LAMA2: variants seen among roughly 807,000 people sequenced by gnomAD.
LAMA2 encodes laminin subunit alpha 2, also known as laminin subunit alpha-2.
LAMA2 carries 269 observed loss-of-function variants against 364.8 expected under a neutral mutation model. That is an observed-to-expected ratio of 0.74 (90% CI 0.67 to 0.82). The LOEUF (loss-of-function observed/expected upper bound fraction) is 0.82. Among genes scored for constraint, LAMA2 ranks in the 40% least tolerant of loss-of-function variants. The pLI is 0.00. For missense variants in LAMA2, 3,807 were observed against 3,873.2 expected, an observed-to-expected ratio of 0.98 and a Z score of 0.45; for synonymous variants, 1,379 against 1,370.6, an observed-to-expected ratio of 1.01 and a Z score of -0.14.
intron 62 of LAMA2, among the ~76,000 whole-genome samples, chr6:129,510,967 T>A (rs1348631847): frequency 2.6e-5 from 4 of 152,202 alleles, no homozygotes; most frequent in African/African-American, 9.6e-5. Context: ...AATTCACAGA[T>A]GGCTGGCATT....
intron 12 of LAMA2, among the ~76,000 whole-genome samples, chr6:129,205,016 C>T (rs1782529456): frequency 6.6e-6 from 1 of 152,084 alleles, no homozygotes; most frequent in Non-Finnish European, 1.5e-5. Context: ...ATAACACATG[C>T]CATTCCTGTG....
intron 25 of LAMA2, 31 bp downstream of exon 25, chr6:129,315,686 A>G (rs1562450858): frequency 6.2e-7 from 1 of 1,611,886 alleles, no homozygotes; most frequent in South Asian, 1.1e-5. Flanking sequence ...GTCAAGTGAG[A>G]ACAAGATAAA....
At chr6:128,951,897 C>A (rs1234343527) in intron 1 of LAMA2, among the ~76,000 whole-genome samples, 2 of 152,160 alleles carry the variant, frequency 1.3e-5, no homozygotes, top group East Asian at 3.9e-4. Flanking sequence ...GTGGCTCACA[C>A]AGGTGTGTGG....
At chr6:129,087,886 T>A (rs116520268) in intron 3 of LAMA2, among the ~76,000 whole-genome samples, 3,488 of 151,242 alleles carry the variant, frequency 0.023, 148 homozygotes, top group African/African-American at 0.079. Flanking sequence ...CTTTTTTTTT[T>A]AATTTAATTT....
chr6:128,883,799 TATAC>T (rs778333998), intron 1 of LAMA2, among the ~76,000 whole-genome samples: 217 of 135,418 alleles, frequency 1.6e-3, no homozygotes, highest in East Asian at 0.011. Flanking sequence ...TATATATATA[TATAC>T]ACACACACAC....
At chr6:129,499,908 G>T (rs116465267) in intron 58 of LAMA2, among the ~76,000 whole-genome samples, 1,878 of 150,088 alleles carry the variant, frequency 0.013, 27 homozygotes, top group African/African-American at 0.042. Context: ...TAATTTTTTT[G>T]TTGTTGTTGT....
intron 1 of LAMA2, among the ~76,000 whole-genome samples, chr6:128,930,707 C>T (rs1252392059): frequency 6.6e-6 from 1 of 152,192 alleles, no homozygotes; most frequent in African/African-American, 2.4e-5. Flanking sequence ...GATTTTTCTA[C>T]TCAAAGTCTC....
chr6:128,985,445 TTAA>T (rs1290659691), intron 1 of LAMA2, among the ~76,000 whole-genome samples: 3 of 152,126 alleles, frequency 2.0e-5, no homozygotes, highest in Non-Finnish European at 4.4e-5. Context: ...TTGACTTACC[TTAA>T]TAATAATTTT....
At chr6:129,124,171 G>GTATCTTGAAATAATAATCGTATC (rs2114924163) in intron 4 of LAMA2, among the ~76,000 whole-genome samples, 1 of 152,216 alleles carries the variant, frequency 6.6e-6, no homozygotes, top group Non-Finnish European at 1.5e-5. Context: ...TTGGTTAATA[G>GTATCTTGAAATAATAATCGTATC]TTGAGATCTA....
intron 1 of LAMA2, among the ~76,000 whole-genome samples, chr6:129,027,032 G>GA (rs1343225332): frequency 6.6e-6 from 1 of 151,752 alleles, no homozygotes; most frequent in East Asian, 1.9e-4. Context: ...TGGTTAAAAA[G>GA]AAAAAAAGCA....
intron 12 of LAMA2, among the ~76,000 whole-genome samples, chr6:129,227,970 C>T (rs1784426800): frequency 6.6e-6 from 1 of 152,158 alleles, no homozygotes; most frequent in African/African-American, 2.4e-5. Context: ...CTGCAGTGGG[C>T]TTCACCCAGT....
intron 12 of LAMA2, among the ~76,000 whole-genome samples, chr6:129,202,002 A>G (rs1782318751): frequency 6.6e-6 from 1 of 152,054 alleles, no homozygotes; most frequent in South Asian, 2.1e-4. Context: ...AGCCTGGCCA[A>G]TATGGTGAAA....
chr6:129,057,062 T>C (rs1788538710), intron 2 of LAMA2, among the ~76,000 whole-genome samples: 1 of 152,152 alleles, frequency 6.6e-6, no homozygotes, highest in Non-Finnish European at 1.5e-5. Context: ...AATTTTTCTT[T>C]TAAAGATGAT....
intron 1 of LAMA2, among the ~76,000 whole-genome samples, chr6:128,935,545 A>G (rs1300041697): frequency 6.6e-6 from 1 of 152,122 alleles, no homozygotes; most frequent in Non-Finnish European, 1.5e-5. Flanking sequence ...GTGTCTTTAT[A>G]GTAGCATGAT....
chr6:128,960,464 C>CG (rs1173613276), intron 1 of LAMA2, among the ~76,000 whole-genome samples: 3 of 147,938 alleles, frequency 2.0e-5, no homozygotes, highest in African/African-American at 7.9e-5. Context: ...TTGGCCCCAC[C>CG]CCGCCCCCGC....
chr6:129,457,009 C>A (rs1408131422), intron 48 of LAMA2, among the ~76,000 whole-genome samples: 1 of 152,126 alleles, frequency 6.6e-6, no homozygotes, highest in African/African-American at 2.4e-5. Context: ...ACAGTCCTTG[C>A]GCATTTCAAA....
intron 37 of LAMA2, among the ~76,000 whole-genome samples, chr6:129,396,777 G>A (rs1779659909): frequency 1.3e-5 from 2 of 151,906 alleles, no homozygotes; most frequent in East Asian, 3.9e-4. Flanking sequence ...GAATACACAG[G>A]CCAGCCTGAG....
intron 12 of LAMA2, among the ~76,000 whole-genome samples, chr6:129,234,326 CA>C (rs1784852964): frequency 6.6e-6 from 1 of 151,976 alleles, no homozygotes; most frequent in Non-Finnish European, 1.5e-5. Context: ...GATGAAAATC[CA>C]AAAAGTCAAA....
intron 12 of LAMA2, among the ~76,000 whole-genome samples, chr6:129,225,544 C>T (rs147878439): frequency 0.013 from 1,975 of 152,218 alleles, 44 homozygotes; most frequent in African/African-American, 0.045. Flanking sequence ...TCTTTGTTCT[C>T]ATTAGTTTCA....
Sources: allele counts gnomAD v4.1 joint callset (sites outside exome capture counted in the v4.1 genomes callset), GRCh38; gene constraint gnomAD v4.1.1; transcripts MANE v1.5; gene names NCBI Gene and HGNC (gene_info 2026-07-23, HGNC 2026-07-21).